STARD3: variants seen among roughly 807,000 people sequenced by gnomAD.
The protein encoded by STARD3 is StAR related lipid transfer domain containing 3.
In STARD3, 39 loss-of-function variants were observed where a neutral mutation model predicts 62.0. The observed-to-expected ratio is 0.63, with a 90% CI of 0.49 to 0.82. The LOEUF (loss-of-function observed/expected upper bound fraction) is 0.82. Among genes scored for constraint, STARD3 ranks in the 40% least tolerant of loss-of-function variants. The pLI is 0.00. For missense variants in STARD3, 543 were observed against 584.5 expected, an observed-to-expected ratio of 0.93 and a Z score of 0.73; for synonymous variants, 229 against 242.4, an observed-to-expected ratio of 0.94 and a Z score of 0.51.
At chr17:39,654,157 C>G (rs1052079783) in intron 2 of STARD3, among the ~76,000 whole-genome samples, 1 of 138,836 alleles carries the variant, frequency 7.2e-6, no homozygotes, top group Non-Finnish European at 1.6e-5. Context: ...TTCATTCATT[C>G]GTTTGTTCGA....
chr17:39,662,445 G>A lies in STARD3; in HGVS notation c.1233+101G>A. On this transcript the variant is annotated intron_variant, in intron 14 of 14. Coordinates refer to ENST00000336308, the MANE Select transcript of STARD3 (RefSeq NM_006804.4). Reference sequence around the variant, plus strand: ...CTTTGGGGGCTCTCTGCCATGCCTGGGCCTCCCCTTTGTCAGCCACCTTTC... The same window carrying A: ...CTTTGGGGGCTCTCTGCCATGCCTGAGCCTCCCCTTTGTCAGCCACCTTTC... 4 of 1,165,444 alleles carry A rather than the reference G, an allele frequency of 3.4e-6. No individual in the cohort carries two copies. The South Asian group carries it at 5.4e-5, about 16-fold the overall frequency. The allele number at this position is 1,165,444 out of a possible 1,614,324, so 72.2% of individuals were successfully genotyped here.
chr17:39,662,063 G>A (rs1232132655), intron 13 of STARD3, among the ~76,000 whole-genome samples, 188 bp from the exon 14 acceptor site: 1 of 152,146 alleles, frequency 6.6e-6, no homozygotes, highest in Non-Finnish European at 1.5e-5. Context: ...GTGGGTGGGG[G>A]TGGAGGGCCG....
At chr17:39,655,198 T>G (rs2057115636) in intron 2 of STARD3, among the ~76,000 whole-genome samples, 1 of 152,268 alleles carries the variant, frequency 6.6e-6, no homozygotes, top group African/African-American at 2.4e-5. Flanking sequence ...CGTTTTGTTT[T>G]GTTTTGAGAC....
chr17:39,657,836 A>G lies in STARD3; in HGVS notation c.359A>G (p.His120Arg), dbSNP rs769438900. Residue 120 changes from histidine to arginine, a missense_variant, in exon 4 of 15, where the codon CAC (histidine) becomes CGC (arginine). Coordinates refer to ENST00000336308, the MANE Select transcript of STARD3 (RefSeq NM_006804.4). ...LLGYAVLRLR[H>R]WWVIAVTTLV... ...GGCTATGCCGTGCTGCGGCTCCGGC[A>G]CTGGTGGGTGATTGCGGTAAGATGC... The G allele has an allele frequency of 2.5e-6, 4 of 1,614,134 alleles. No homozygotes were observed. Among genetic ancestry groups the G allele is most frequent in the Non-Finnish European group, 3.4e-6 (4 of 1,180,018 alleles).
At chr17:39,638,157 A>C (rs2056950829) in intron 1 of STARD3, among the ~76,000 whole-genome samples, 1 of 152,240 alleles carries the variant, frequency 6.6e-6, no homozygotes, top group East Asian at 1.9e-4. Context: ...AGTACTGCCA[A>C]CTTCCTGAAC....
At chr17:39,647,051 T>G (rs896010962) in intron 1 of STARD3, among the ~76,000 whole-genome samples, 1 of 151,814 alleles carries the variant, frequency 6.6e-6, no homozygotes, top group Non-Finnish European at 1.5e-5. Context: ...AATACATAAA[T>G]AGGCAGGCGT....
At chr17:39,637,374 CTCTG>C (rs1439845537) in intron 1 of STARD3, 143 bp downstream of exon 1, 5 of 152,366 alleles carry the variant, frequency 3.3e-5, no homozygotes, top group African/African-American at 4.8e-5. Flanking sequence ...CGCCCCCTTC[CTCTG>C]TCTGGCCTCG....
In STARD3 at chr17:39,659,091, A is replaced by G; in HGVS notation, c.687A>G (p.Lys229=). Reference sequence around the variant, plus strand: ...CAGATGAAGAAGTTGCTGGGAAGAAAAGTTTCTCTGCTCAGGTATTTGCCT... The same window carrying G: ...CAGATGAAGAAGTTGCTGGGAAGAAGAGTTTCTCTGCTCAGGTATTTGCCT... ...NESDEEVAGK[K]SFSAQEREYI... is the part of the protein sequence containing the mutation. Residue 229 remains lysine (K), a synonymous_variant, in exon 8 of 15, where the codon AAA becomes AAG. Transcript: ENST00000336308. 2 of 1,614,146 alleles carry G rather than the reference A, an allele frequency of 1.2e-6. No homozygotes were observed. The highest frequency in any genetic ancestry group is 2.7e-5 in the African/African-American group (2 of 75,036).
At chr17:39,637,335 C>T (rs911883012) in intron 1 of STARD3, 104 bp downstream of exon 1, 7 of 152,312 alleles carry the variant, frequency 4.6e-5, no homozygotes, top group Admixed American at 4.6e-4. Flanking sequence ...TCCGTCCGAC[C>T]CTTCCCACAC....
chr17:39,646,022 G>T (rs1019986570), intron 1 of STARD3, among the ~76,000 whole-genome samples: 3 of 147,492 alleles, frequency 2.0e-5, no homozygotes, highest in East Asian at 4.1e-4. Context: ...CTCCCAAGTA[G>T]TTGGGACTAC....
chr17:39,656,444 T>TG (rs1032609889), intron 2 of STARD3, among the ~76,000 whole-genome samples: 4 of 152,140 alleles, frequency 2.6e-5, no homozygotes, highest in African/African-American at 9.7e-5. Context: ...TCTGGTGGGC[T>TG]GGGGTAGGGA....
Position 39,660,432 on chromosome 17 carries a change from C to T in STARD3, c.860C>T (p.Thr287Ile), listed in dbSNP as rs1366640336. 4 of 1,613,688 alleles carry T rather than the reference C, an allele frequency of 2.5e-6. No individual in the cohort carries two copies. The highest frequency in any genetic ancestry group is 3.4e-6 in the Non-Finnish European group (4 of 1,180,022). Reference sequence around the variant, plus strand: ...CAGCCCTCTGCCGCCCTGTCCCAGACCTTCCTGCCCTGTCCTGCGGAGCTC... The same window carrying T: ...CAGCCCTCTGCCGCCCTGTCCCAGATCTTCCTGCCCTGTCCTGCGGAGCTC... ...PFHGKTFILK[T>I]FLPCPAELVY... Residue 287 changes from threonine to isoleucine, a missense_variant and splice_region_variant, in exon 11 of 15, where the codon ACC becomes ATC. Physicochemically the swap from Thr to Ile is moderately conservative, Grantham distance 89. Coordinates refer to ENST00000336308, the MANE Select transcript of STARD3 (RefSeq NM_006804.4). The surrounding 1 kb of genome is among the most constrained non-coding windows in gnomAD (Gnocchi z 4.8).
At chr17:39,655,745 G>A (rs552611064) in intron 2 of STARD3, among the ~76,000 whole-genome samples, 18 of 152,136 alleles carry the variant, frequency 1.2e-4, no homozygotes, top group South Asian at 4.2e-4. Flanking sequence ...TTTTTAGTTC[G>A]CTGACAGACT....
Position 39,659,509 on chromosome 17 carries a change from C to G in STARD3, c.751C>G (p.Gln251Glu), listed in dbSNP as rs1234198037. The change falls in exon 9 of 15, where the codon CAG becomes GAG. Residue 251 changes from glutamine to glutamate, a missense_variant. By Grantham distance (29) the Gln-to-Glu change is conservative (BLOSUM62 2). Coordinates refer to ENST00000336308, the MANE Select transcript of STARD3 (RefSeq NM_006804.4). ...QGKEATAVVD[Q>E]ILAQEENWKF... ...GAAGGAGGCCACGGCAGTGGTGGAC[C>G]AGATCTTGGCCCAGGAAGAGAACTG... The G allele has an allele frequency of 3.7e-6, 6 of 1,614,046 alleles. No homozygotes were observed. In the African/African-American group the frequency reaches 8.0e-5, roughly 22 times the overall value.
chr17:39,659,198 C>A, intron 8 of STARD3, 92 bp downstream of exon 8: 1 of 1,516,860 alleles, frequency 6.6e-7, no homozygotes, highest in South Asian at 1.2e-5. Context: ...CAGGGGTTTC[C>A]CAGTAGAGGC....
chr17:39,654,630 A>T (rs1443298757), intron 2 of STARD3, among the ~76,000 whole-genome samples: 2 of 151,940 alleles, frequency 1.3e-5, no homozygotes. Flanking sequence ...CCCTGGAAGC[A>T]GGGCACCCCA....
At chr17:39,653,811 C>T in intron 2 of STARD3, 61 bp downstream of exon 2, 1 of 1,592,016 alleles carries the variant, frequency 6.3e-7, no homozygotes, top group Non-Finnish European at 8.6e-7. Context: ...CTCAGTTTGT[C>T]CATCTGCCAC....
chr17:39,653,525 C>T lies in STARD3; in HGVS notation c.-7C>T. The stretch of plus-strand genomic sequence containing the variant: ...CCCTCCCCGCCCTGAGGTGGGGGCC[C>T]ACCAGGATGAGCAAGCTGCCCAGGG... On this transcript the variant is annotated 5_prime_UTR_variant, in exon 2 of 15. Coordinates refer to ENST00000336308, the MANE Select transcript of STARD3 (RefSeq NM_006804.4). 6.2e-7 allele frequency: 1 copy of T among 1,601,620 alleles called. No homozygotes were observed.
intron 1 of STARD3, among the ~76,000 whole-genome samples, chr17:39,639,951 C>T (rs190357652): frequency 6.6e-6 from 1 of 152,324 alleles, no homozygotes; most frequent in Non-Finnish European, 1.5e-5. Flanking sequence ...TCTCTGGGAG[C>T]CCACGGTCCT....
Sources: gnomAD v4.1 joint callset for allele counts (sites outside exome capture counted in the v4.1 genomes callset) on GRCh38, gnomAD v4.1.1 for gene constraint, Gnocchi (gnomAD v3.1) non-coding constraint, MANE v1.5 for transcripts, NCBI Gene and HGNC (gene_info 2026-07-23, HGNC 2026-07-21) for gene names.